The following FRMPD4 variants were observed in gnomAD, a reference collection of about 807,000 sequenced individuals.
FRMPD4 encodes the protein FERM and PDZ domain containing 4, also known as FERM and PDZ domain-containing protein 4.
In FRMPD4, 22 loss-of-function variants were observed where a neutral mutation model predicts 94.1. The ratio of observed to expected loss-of-function variants is 0.23; its 90% CI spans 0.17 to 0.33. FRMPD4 has a LOEUF of 0.33. FRMPD4 is among the 10% of genes least tolerant of loss of function. The pLI, the probability that FRMPD4 is intolerant of heterozygous loss-of-function variation, is 1.00. For missense variants in FRMPD4, 1,111 were observed against 1,339.9 expected, an observed-to-expected ratio of 0.83 and a Z score of 2.67; for synonymous variants, 631 against 548.6, an observed-to-expected ratio of 1.15 and a Z score of -2.10.
At chrX:12,498,944 T>A in intron 2 of FRMPD4, 148 bp downstream of exon 2, 1 of 244,639 alleles carries the variant, frequency 4.1e-6, no homozygotes, top group South Asian at 2.6e-4. Flanking sequence ...GCCAGCTGCT[T>A]ATATTTCTAT....
rs762689771 is a variant in FRMPD4 at position 12,716,693 on chromosome X, C to A, written c.2234C>A (p.Thr745Asn). Residue 745 changes from threonine to asparagine, a missense_variant, in exon 15 of 17, where the codon ACT becomes AAT. Coordinates refer to ENST00000675598, the MANE Select transcript of FRMPD4 (RefSeq NM_001368397.1). ...CATGACATCTGTTATGCAGAAAACACTGATGACGCGGAGGACGAGGACGAG... is the reference window on the plus strand; with the variant it reads ...CATGACATCTGTTATGCAGAAAACAATGATGACGCGGAGGACGAGGACGAG... ...LLHDICYAEN[T>N]DDAEDEDEVS... is the part of the protein sequence containing the mutation. 1 of 1,209,740 alleles carries A rather than the reference C, an allele frequency of 8.3e-7. No homozygotes were observed. The highest frequency in any genetic ancestry group is 1.8e-5 in the African/African-American group (1 of 57,116).
At chrX:12,103,317 T>A (rs911748968) in intron 3 of FRMPD4, among the ~76,000 whole-genome samples, 12 of 112,424 alleles carry the variant, frequency 1.1e-4, no homozygotes, top group Non-Finnish European at 1.9e-4. Context: ...TTTTTACAAA[T>A]AAGATAGTTT....
chrX:12,248,344 G>T (rs1300392371), intron 1 of FRMPD4, among the ~76,000 whole-genome samples: 1 of 112,144 alleles, frequency 8.9e-6, no homozygotes, highest in Non-Finnish European at 1.9e-5. Flanking sequence ...TATTTCTAGA[G>T]CAAGGATTCT....
chrX:12,262,206 C>T (rs1016103763), intron 1 of FRMPD4, among the ~76,000 whole-genome samples: 8 of 111,759 alleles, frequency 7.2e-5, no homozygotes, highest in East Asian at 2.8e-4. Context: ...GTGGCAGAGT[C>T]GAGTAGCTAC....
At chrX:12,359,970 T>A (rs1433284624) in intron 1 of FRMPD4, among the ~76,000 whole-genome samples, 1 of 112,324 alleles carries the variant, frequency 8.9e-6, no homozygotes, top group Admixed American at 9.4e-5. Flanking sequence ...TCCCTGGGAC[T>A]TGACTGAGCC....
chrX:11,981,415 G>A (rs2054396335), intron 3 of FRMPD4, among the ~76,000 whole-genome samples: 1 of 111,369 alleles, frequency 9.0e-6, no homozygotes, highest in African/African-American at 3.3e-5. Flanking sequence ...GGCTAGAATT[G>A]TTTTGCCTAA....
At chrX:12,657,051 A>T (rs1201932890) in intron 4 of FRMPD4, among the ~76,000 whole-genome samples, 3 of 107,400 alleles carry the variant, frequency 2.8e-5, no homozygotes, top group African/African-American at 1.0e-4. Context: ...GCATCATTGC[A>T]CTCCAGCCTG....
chrX:12,581,651 C>T (rs934662108), intron 2 of FRMPD4, among the ~76,000 whole-genome samples: 1 of 111,727 alleles, frequency 9.0e-6, no homozygotes, highest in Non-Finnish European at 1.9e-5. Context: ...TACCAGGCCT[C>T]GTGTAGCCTG....
chrX:12,293,443 A>G (rs187988702), intron 1 of FRMPD4, among the ~76,000 whole-genome samples: 2 of 112,824 alleles, frequency 1.8e-5, no homozygotes, highest in African/African-American at 6.4e-5. Context: ...ACTCACAGAA[A>G]CACTGGATTC....
At chrX:12,074,600 C>T (rs1347384357) in intron 3 of FRMPD4, among the ~76,000 whole-genome samples, 1 of 111,894 alleles carries the variant, frequency 8.9e-6, no homozygotes, top group Non-Finnish European at 1.9e-5. Context: ...TTTACCATTT[C>T]AATATAAATG....
chrX:12,345,262 A>G (rs891015711), intron 1 of FRMPD4, among the ~76,000 whole-genome samples: 12 of 110,694 alleles, frequency 1.1e-4, no homozygotes, highest in Non-Finnish European at 1.9e-5. Context: ...GGGTGCGTAG[A>G]CTGTGTAAAA....
chrX:12,161,030 G>A (rs953856341), intron 1 of FRMPD4, among the ~76,000 whole-genome samples: 13 of 111,436 alleles, frequency 1.2e-4, no homozygotes, highest in East Asian at 8.4e-4. Flanking sequence ...GTTTCAGAAC[G>A]TATAATATTA....
chrX:12,621,671 A>G (rs2148434452), intron 4 of FRMPD4, among the ~76,000 whole-genome samples: 1 of 59,173 alleles, frequency 1.7e-5, no homozygotes, highest in East Asian at 4.9e-4. Context: ...AAAATTAGCC[A>G]GATGTGGTGG....
chrX:12,406,606 AG>A (rs1180967166), intron 1 of FRMPD4, among the ~76,000 whole-genome samples: 2 of 111,878 alleles, frequency 1.8e-5, no homozygotes, highest in Non-Finnish European at 3.8e-5. Context: ...AATCCATATC[AG>A]AAGTCCTCTT....
intron 1 of FRMPD4, among the ~76,000 whole-genome samples, chrX:12,397,916 C>T (rs2056563654): frequency 9.0e-6 from 1 of 111,541 alleles, no homozygotes; most frequent in African/African-American, 3.3e-5. Flanking sequence ...ACTAGAGCAA[C>T]ACCAAGATCA....
chrX:12,485,101 T>A (rs1468667870), intron 1 of FRMPD4, among the ~76,000 whole-genome samples: 1 of 112,268 alleles, frequency 8.9e-6, no homozygotes, highest in Admixed American at 9.4e-5. Context: ...GGCCACCGGA[T>A]GTAGTTTGCT....
At chrX:12,212,950 C>G (rs35341340) in intron 1 of FRMPD4, among the ~76,000 whole-genome samples, 30,125 of 110,391 alleles carry the variant, frequency 0.27, 3,765 homozygotes, top group Non-Finnish European at 0.39. Context: ...ACAAAGGACC[C>G]TTGATTTCTT....
chrX:12,219,364 CAAAA>C (rs1002257487), intron 1 of FRMPD4, among the ~76,000 whole-genome samples: 1 of 107,028 alleles, frequency 9.3e-6, no homozygotes, highest in Non-Finnish European at 1.9e-5. Context: ...GACCCTGTCC[CAAAA>C]AAAAAGACAA....
At chrX:12,315,496 C>T (rs1402522499) in intron 1 of FRMPD4, among the ~76,000 whole-genome samples, 1 of 111,627 alleles carries the variant, frequency 9.0e-6, no homozygotes, top group Non-Finnish European at 1.9e-5. Context: ...CAGGAAGAGA[C>T]ATAGCAAAGA....
Sources: gnomAD v4.1 joint callset for allele counts (sites outside exome capture counted in the v4.1 genomes callset) on GRCh38, gnomAD v4.1.1 for gene constraint, MANE v1.5 for transcripts, NCBI Gene and HGNC (gene_info 2026-07-23, HGNC 2026-07-21) for gene names.